NGLY1: variants seen among roughly 807,000 people sequenced by gnomAD.
NGLY1 encodes N-glycanase 1.
In NGLY1, 68 loss-of-function variants were observed where a neutral mutation model predicts 84.6. That is an observed-to-expected ratio of 0.80 (90% CI 0.66 to 0.98). The LOEUF (loss-of-function observed/expected upper bound fraction) is 0.98, where lower values mean the gene tolerates loss of function less well. NGLY1 is among the 50% of genes least tolerant of loss of function. NGLY1 has a pLI of 0.00. For synonymous variants in NGLY1, 280 were observed against 275.2 expected (o/e 1.02, Z -0.17); for missense variants, 779 against 770.2 (o/e 1.01, Z -0.14).
At chr3:25,747,857 T>G (rs781469324) in intron 4 of NGLY1, among the ~76,000 whole-genome samples, 3 of 152,204 alleles carry the variant, frequency 2.0e-5, no homozygotes, top group Non-Finnish European at 2.9e-5. Context: ...TGCTGGAAGC[T>G]GAGTATGGAC....
At chr3:25,780,082 G>A (rs564425353) in intron 1 of NGLY1, among the ~76,000 whole-genome samples, 2 of 152,240 alleles carry the variant, frequency 1.3e-5, no homozygotes, top group Admixed American at 1.3e-4. Flanking sequence ...GGTCCATAAG[G>A]GATTGGAAAT....
rs769446269 is a variant in NGLY1, at chr3:25,764,162, G to C, written c.396C>G (p.Thr132=). The C allele has an allele frequency of 7.4e-6, 12 of 1,614,138 alleles. No individual in the cohort carries two copies. Among genetic ancestry groups the C allele is most frequent in the Non-Finnish European group, 1.0e-5 (12 of 1,180,012 alleles). The change falls in exon 3 of 12, where the codon ACC becomes ACG. Residue 132 remains threonine (T), a synonymous_variant. Transcript: ENST00000280700. ...VKSSQQPAAS[T]QLPTTPSSNP... ...TTGAAGATGGTGTTGTAGGAAGCTG[G>C]GTACTGGCTGCAGGTTGCTGAGATG...
At chr3:25,771,162 T>C (rs1294731577) in intron 2 of NGLY1, among the ~76,000 whole-genome samples, 1 of 152,182 alleles carries the variant, frequency 6.6e-6, no homozygotes, top group African/African-American at 2.4e-5. Context: ...TCTTCTAGAA[T>C]TTTTTATGGT....
chr3:25,765,376 C>T (rs1394744116), intron 2 of NGLY1, among the ~76,000 whole-genome samples: 1 of 150,420 alleles, frequency 6.6e-6, no homozygotes, highest in Non-Finnish European at 1.5e-5. Flanking sequence ...AGGAGAATTG[C>T]TTGAACCTGG....
At chr3:25,726,943 G>T (rs1705294193) in intron 10 of NGLY1, among the ~76,000 whole-genome samples, 1 of 152,156 alleles carries the variant, frequency 6.6e-6, no homozygotes, top group African/African-American at 2.4e-5. Context: ...CTCCTGGGAG[G>T]ATACCTCTTT....
At chr3:25,737,235 A>C in intron 6 of NGLY1, 99 bp downstream of exon 6, 3 of 1,040,062 alleles carry the variant, frequency 2.9e-6, no homozygotes, top group Non-Finnish European at 2.7e-6. Context: ...TCAGACTGAC[A>C]AGGCCAAAAA....
At chr3:25,734,120 G>A in intron 7 of NGLY1, 138 bp from the exon 8 acceptor site, 5 of 1,189,812 alleles carry the variant, frequency 4.2e-6, no homozygotes, top group Non-Finnish European at 5.7e-6. Context: ...AGGCTAGAGT[G>A]CAGTGGCGTG....
At chr3:25,790,020 G>A in exon 1 of NGLY1, 5 of 900,366 alleles carry the variant, frequency 5.6e-6, no homozygotes, top group Non-Finnish European at 8.8e-6. Context: ...GAGTCGAACG[G>A]GACGCGTGCG....
rs2125475740 is a variant in NGLY1, at chr3:25,736,115, C to T, written c.1038G>A (p.Gln346=). The T allele has an allele frequency of 1.2e-6, 2 of 1,613,766 alleles. No individual in the cohort carries two copies. Among genetic ancestry groups the T allele is most frequent in the African/African-American group, 2.7e-5 (2 of 74,988 alleles). Residue 346 remains glutamine, a synonymous_variant, in exon 7 of 12, where the codon CAG becomes CAA. Transcript: ENST00000280700. ...HVWTEVYSPS[Q]QRWLHCDACE... The stretch of plus-strand genomic sequence containing the variant: ...ATGCATCACAGTGCAGCCACCGCTG[C>T]TGAGAAGGAGAATAGACTTCTGTCC...
intron 11 of NGLY1, among the ~76,000 whole-genome samples, 159 bp from the exon 12 acceptor site, chr3:25,719,794 CAAA>C (rs1285287211): frequency 6.6e-6 from 1 of 151,606 alleles, no homozygotes; most frequent in Non-Finnish European, 1.5e-5. Context: ...TCCTTTGAAA[CAAA>C]GAAATGATTT....
chr3:25,738,259 ATCTT>A (rs973618126), intron 5 of NGLY1, among the ~76,000 whole-genome samples: 5 of 152,216 alleles, frequency 3.3e-5, no homozygotes, highest in South Asian at 2.1e-4. Context: ...CTAAAATATT[ATCTT>A]TCTTTCTAAT....
intron 3 of NGLY1, chr3:25,755,355 G>C: frequency 7.6e-7 from 1 of 1,316,044 alleles, no homozygotes; most frequent in Non-Finnish European, 1.1e-6. Context: ...CTAGTTCTAC[G>C]ATTGACTGTT....
Position 25,720,189 on chromosome 3 carries a change from T to C in NGLY1, c.1614A>G (p.Val538=), listed in dbSNP as rs1485372453. 3 of 1,612,450 alleles carry C rather than the reference T, an allele frequency of 1.9e-6. No homozygotes were observed. The African/African-American group carries it at 4.0e-5, about 22-fold the overall frequency. The change falls in exon 11 of 12, where the codon GTA becomes GTG. Residue 538 remains valine, a splice_region_variant and synonymous_variant. Transcript: ENST00000280700. ...FRKVETDWHM[V]YLARKEGSSF... ...ATGATCCTTCCTTTCGGGCCAAATA[T>C]ACCTATAAGGAGTAGGGATGGGGAG...
Position 25,719,652 on chromosome 3 carries a change from A to C in NGLY1, c.1790-17T>G. On this transcript the variant is annotated splice_polypyrimidine_tract_variant and intron_variant, in intron 11 of 11. Transcript: ENST00000280700. The stretch of plus-strand genomic sequence containing the variant: ...GACTGTTATCTGTTAGAGGGAAAAA[A>C]AAAATTAACATTTTGCTTTTGGTAA... 6.3e-7 allele frequency: 1 copy of C among 1,591,908 alleles called. No individual in the cohort carries two copies. The highest frequency in any genetic ancestry group is 8.6e-7 in the Non-Finnish European group (1 of 1,168,296).
In NGLY1 at chr3:25,739,811, A is replaced by T; in HGVS notation, c.659-12T>A. The T allele has an allele frequency of 1.2e-6, 2 of 1,604,364 alleles. No individual in the cohort carries two copies. Among genetic ancestry groups the T allele is most frequent in the Non-Finnish European group, 1.7e-6 (2 of 1,173,136 alleles). On this transcript the variant is annotated splice_polypyrimidine_tract_variant and intron_variant, in intron 4 of 11. Transcript: ENST00000280700. ...ACTTATATTGATACCTGAGAAATTA[A>T]GGGAGGACCAAGTAAGAGCTAAAAC...
At chr3:25,734,110 A>C in intron 7 of NGLY1, 128 bp from the exon 8 acceptor site, 1 of 1,317,450 alleles carries the variant, frequency 7.6e-7, no homozygotes, top group South Asian at 1.4e-5. Context: ...TCTGTTGTCC[A>C]GGCTAGAGTG....
At chr3:25,779,958 C>G (rs1553665108) in intron 1 of NGLY1, among the ~76,000 whole-genome samples, 1 of 151,976 alleles carries the variant, frequency 6.6e-6, no homozygotes, top group Non-Finnish European at 1.5e-5. Context: ...GAAATTTTTT[C>G]TTTGTTTGTT....
At chr3:25,776,747 A>G (rs574957616) in intron 2 of NGLY1, among the ~76,000 whole-genome samples, 3 of 152,186 alleles carry the variant, frequency 2.0e-5, no homozygotes, top group African/African-American at 7.2e-5. Context: ...CCTTTCCCTT[A>G]TATCTTACAT....
intron 2 of NGLY1, among the ~76,000 whole-genome samples, chr3:25,769,081 C>T (rs548942879): frequency 3.6e-4 from 54 of 151,812 alleles, no homozygotes; most frequent in African/African-American, 9.7e-4. Flanking sequence ...CAAAAGAGGC[C>T]GGCGCATTGG....
Sources: allele counts gnomAD v4.1 joint callset (sites outside exome capture counted in the v4.1 genomes callset), GRCh38; gene constraint gnomAD v4.1.1; transcripts MANE v1.5; gene names NCBI Gene and HGNC (gene_info 2026-07-23, HGNC 2026-07-21).